Variants in PIGQ observed in about 807,000 individuals in gnomAD.
PIGQ encodes the protein phosphatidylinositol glycan anchor biosynthesis class Q.
In PIGQ, 54 loss-of-function variants were observed where a neutral mutation model predicts 60.3. The ratio of observed to expected loss-of-function variants is 0.90; its 90% CI spans 0.72 to 1.12. The LOEUF is 1.12. Among genes scored for constraint, PIGQ ranks in the 50% most tolerant of loss-of-function variants. The pLI is 0.00. For missense variants in PIGQ, 799 were observed against 793.5 expected (o/e 1.01, Z -0.08); for synonymous variants, 416 against 363.7 (o/e 1.14, Z -1.64).
In PIGQ at chr16:583,472, AC is replaced by A. The variant is rs1186421626; in HGVS notation, c.*443del. ...GGGTGGAGGGACCTTGCCAGGATGA[AC>A]CCCCCAGTCCCAGGCACCCTCTAGC... On this transcript the variant is annotated 3_prime_UTR_variant, in exon 11 of 11. Transcript: ENST00000321878. 1.2e-6 allele frequency: 2 copies of A among 1,611,644 alleles called. No individual in the cohort carries two copies. The highest frequency in any genetic ancestry group is 2.7e-5 in the African/African-American group (2 of 74,548).
Position 582,263 on chromosome 16 carries a change from G to A in PIGQ, c.1547G>A (p.Arg516His), listed in dbSNP as rs376467540. 117 of 1,606,810 alleles carry A rather than the reference G, an allele frequency of 7.3e-5. No individual in the cohort carries two copies. Among genetic ancestry groups the A allele is most frequent in the East Asian group, 4.3e-4 (19 of 44,640 alleles). Reference sequence around the variant, plus strand: ...ATCCTTGCAGCTGGCGTGAAGTTCCGTGTCCTCCGGCACGAGGCCGGCAGG... The same window carrying A: ...ATCCTTGCAGCTGGCGTGAAGTTCCATGTCCTCCGGCACGAGGCCGGCAGG... ...PYRLAAGVKF[R>H]VLRHEAGRPL... Residue 516 changes from arginine to histidine, a missense_variant, in exon 10 of 11, where the codon CGT becomes CAT. Physicochemically the swap from Arg to His is conservative, Grantham distance 29. Transcript: ENST00000321878.
Position 582,981 on chromosome 16 carries a change from G to A in PIGQ, c.1692G>A (p.Leu564=), listed in dbSNP as rs2035837216. The A allele has an allele frequency of 1.2e-6, 2 of 1,613,144 alleles. No individual in the cohort carries two copies. Among genetic ancestry groups the A allele is most frequent in the Non-Finnish European group, 1.7e-6 (2 of 1,179,986 alleles). Residue 564 remains leucine, a synonymous_variant, in exon 11 of 11, where the codon CTG becomes CTA. Transcript: ENST00000321878. ...KHSWGALCRK[L]FLGELIYPWR... ...CCTGGGGCGCCCTGTGCCGCAAGCT[G>A]TTCCTTGGGGAGCTCATCTACCCCT...
Position 574,851 on chromosome 16 carries a change from A to C in PIGQ, c.689+88A>C, listed in dbSNP as rs566079063. The C allele has an allele frequency of 5.9e-5, 63 of 1,065,632 alleles. No individual in the cohort carries two copies. The South Asian group carries it at 7.8e-4, about 13-fold the overall frequency. 66.0% of individuals were successfully genotyped at this position (1,065,632 alleles called of 1,614,324 possible). On this transcript the variant is annotated intron_variant, in intron 2 of 10. Transcript: ENST00000321878. ...TTGTCTGCAGTGGGCACAGAGGCCC[A>C]GATGCGCTCTTCCTGGGCCCGGGCC...
intron 4 of PIGQ, chr16:578,053 C>T (rs995849799): frequency 6.0e-5 from 16 of 267,774 alleles, no homozygotes; most frequent in South Asian, 1.9e-4. Flanking sequence ...TGTTTGGGGC[C>T]GAGGGCTCCA....
At chr16:579,435 TGCCCCGG>T in intron 7 of PIGQ, 1 of 369,988 alleles carries the variant, frequency 2.7e-6, no homozygotes, top group Non-Finnish European at 4.7e-6. Context: ...GCCCTAGAGG[TGCCCCGG>T]GCCCAGAGAC....
Position 582,896 on chromosome 16 carries a change from C to T in PIGQ, c.1607C>T (p.Pro536Leu). 6.2e-7 allele frequency: 1 copy of T among 1,605,306 alleles called. No homozygotes were observed. Among genetic ancestry groups the T allele is most frequent in the Non-Finnish European group, 8.5e-7 (1 of 1,175,010 alleles). Residue 536 changes from proline (P) to leucine (L), a missense_variant, in exon 11 of 11, where the codon CCC becomes CTC. By Grantham distance (98) the Pro-to-Leu change is moderately conservative. Transcript: ENST00000321878. ...LRLLMQINPL[P>L]YSRVVHTYRL... ...TTGTCCTTCCAGATAAACCCACTGC[C>T]CTACAGCCGCGTGGTGCACACCTAC...
At chr16:579,277 T>C in intron 7 of PIGQ, 97 bp downstream of exon 7, 3 of 926,178 alleles carry the variant, frequency 3.2e-6, no homozygotes, top group Non-Finnish European at 3.4e-6. Context: ...GGCAGCCTGC[T>C]CCCGTCCTGC....
At chr16:578,564 A>C (rs1596385417) in intron 5 of PIGQ, 59 bp downstream of exon 5, 2 of 1,557,202 alleles carry the variant, frequency 1.3e-6, no homozygotes, top group Non-Finnish European at 1.7e-6. Context: ...GAGGGTAGGG[A>C]CCCAGCCAGA....
At chr16:579,432 A>T (rs2035777123) in intron 7 of PIGQ, 1 of 402,426 alleles carries the variant, frequency 2.5e-6, no homozygotes, top group African/African-American at 2.1e-5. Context: ...CAGGCCCTAG[A>T]GGTGCCCCGG....
intron 7 of PIGQ, chr16:579,805 C>A (rs1172892197): frequency 1.6e-5 from 2 of 128,504 alleles, no homozygotes; most frequent in African/African-American, 6.0e-5. Flanking sequence ...TGCCCCGGGC[C>A]CGGAGACTTG....
At chr16:578,312 A>T in intron 4 of PIGQ, 67 bp from the exon 5 acceptor site, 6 of 1,543,390 alleles carry the variant, frequency 3.9e-6, no homozygotes, top group Non-Finnish European at 5.2e-6. Context: ...ATCACGAAAG[A>T]GCCTGGGGAG....
chr16:578,973 G>C (rs774491402), intron 6 of PIGQ, 35 bp downstream of exon 6: 2 of 1,554,176 alleles, frequency 1.3e-6, no homozygotes, highest in African/African-American at 2.9e-5. Flanking sequence ...ACCGCCCCCT[G>C]GGAGGTGCAG....
At chr16:579,242 G>T (rs2035774333) in intron 7 of PIGQ, 62 bp downstream of exon 7, 8 of 1,395,336 alleles carry the variant, frequency 5.7e-6, no homozygotes, top group Non-Finnish European at 5.1e-6. Flanking sequence ...CGCTGGGCCA[G>T]CGCGGTGCTT....
chr16:579,047 C>G (rs1483876703), intron 6 of PIGQ, 22 bp from the exon 7 acceptor site: 11 of 1,602,012 alleles, frequency 6.9e-6, no homozygotes, highest in Non-Finnish European at 9.4e-6. Context: ...GGGGCCGGGC[C>G]CGACAGCACT....
In PIGQ at chr16:575,981, G is replaced by T; in HGVS notation, c.821+11G>T. ...TGCCCAGCTGATGAGGTGTGGGCCTGCCCTGGTCTCTGCAGGGCTGGGTGC... is the reference window on the plus strand; with the variant it reads ...TGCCCAGCTGATGAGGTGTGGGCCTTCCCTGGTCTCTGCAGGGCTGGGTGC... On this transcript the variant is annotated intron_variant, in intron 3 of 10. Coordinates refer to ENST00000321878, the MANE Select transcript of PIGQ (RefSeq NM_004204.5). 2 of 1,578,458 alleles carry T rather than the reference G, an allele frequency of 1.3e-6. No individual in the cohort carries two copies. Among genetic ancestry groups the T allele is most frequent in the Non-Finnish European group, 1.7e-6 (2 of 1,162,584 alleles).
At chr16:579,351 C>G (rs1006065144) in intron 7 of PIGQ, 171 bp downstream of exon 7, 3 of 616,640 alleles carry the variant, frequency 4.9e-6, no homozygotes, top group Non-Finnish European at 8.7e-6. Flanking sequence ...ACGTGGGGCT[C>G]TGAAGCAGCG....
At chr16:578,647 G>GCTGGGGC in intron 5 of PIGQ, 138 bp from the exon 6 acceptor site, 1 of 1,404,178 alleles carries the variant, frequency 7.1e-7, no homozygotes, top group Non-Finnish European at 9.8e-7. Flanking sequence ...TCAGCTGAGG[G>GCTGGGGC]CTGGGGCCTG....
chr16:573,069 G>A (rs1268516244), intron 1 of PIGQ, among the ~76,000 whole-genome samples: 1 of 152,236 alleles, frequency 6.6e-6, no homozygotes, highest in Non-Finnish European at 1.5e-5. Flanking sequence ...CGCCAGGGAA[G>A]GCATCAGTGG....
intron 1 of PIGQ, among the ~76,000 whole-genome samples, chr16:573,031 T>G (rs2035660447): frequency 6.6e-6 from 1 of 152,214 alleles, no homozygotes; most frequent in African/African-American, 2.4e-5. Context: ...CCCCCACCGC[T>G]AGGGAGTCCT....
Sources: gnomAD v4.1 joint callset for allele counts (sites outside exome capture counted in the v4.1 genomes callset) on GRCh38, gnomAD v4.1.1 for gene constraint, MANE v1.5 for transcripts, NCBI Gene and HGNC (gene_info 2026-07-23, HGNC 2026-07-21) for gene names.